The following SLC16A9 variants were observed in gnomAD, a reference collection of about 807,000 sequenced individuals.
SLC16A9 encodes the protein monocarboxylate transporter 9.
SLC16A9 carries 26 observed loss-of-function variants against 44.3 expected under a neutral mutation model. That is an observed-to-expected ratio of 0.59 (90% CI 0.43 to 0.81). The LOEUF is 0.81. SLC16A9 is among the 40% of genes least tolerant of loss of function. The pLI is 0.00. For missense variants in SLC16A9, 559 were observed against 595.8 expected (o/e 0.94, Z 0.64); for synonymous variants, 230 against 225.1 (o/e 1.02, Z -0.19).
Position 59,661,468 on chromosome 10 carries a change from C to A in SLC16A9, c.436+2759G>T, listed in dbSNP as rs1390498847. Among the ~76,000 whole-genome samples, 4 of 152,092 alleles carry A rather than the reference C, an allele frequency of 2.6e-5. No homozygotes were observed. The East Asian group carries it at 5.8e-4, about 22-fold the overall frequency. On this transcript the variant is annotated intron_variant, in intron 4 of 5. Coordinates refer to ENST00000395348, the MANE Select transcript of SLC16A9 (RefSeq NM_194298.3). Reference sequence around the variant, plus strand: ...ATGTGAAGGACCTCTTCAAGGAGAACTACAAACCACTGCTCAAGGAAATAA... The same window carrying A: ...ATGTGAAGGACCTCTTCAAGGAGAAATACAAACCACTGCTCAAGGAAATAA...
At chr10:59,690,979 G>A (rs1261989354) in intron 1 of SLC16A9, among the ~76,000 whole-genome samples, 5 of 152,162 alleles carry the variant, frequency 3.3e-5, no homozygotes. Flanking sequence ...CAGCTACTCA[G>A]GAGGCTGAGG....
At position 59,654,496 on chromosome 10, in the gene SLC16A9, A is replaced by G. The variant is rs1235686867; in HGVS notation, c.530T>C (p.Leu177Ser). 1 of 1,611,846 alleles carries G rather than the reference A, an allele frequency of 6.2e-7. No individual in the cohort carries two copies. Among genetic ancestry groups the G allele is most frequent in the South Asian group, 1.1e-5 (1 of 91,084 alleles). ...LDGCLLIVGA[L>S]ALNILACGSL... ...GCCACAGGCTAATATATTTAAAGCT[A>G]AAGCACCCACAATCAGCAAGCATCC... Residue 177 changes from leucine to serine, a missense_variant, in exon 5 of 6, where the codon TTA becomes TCA. Coordinates refer to ENST00000395348, the MANE Select transcript of SLC16A9 (RefSeq NM_194298.3).
At chr10:59,653,580 C>T in intron 5 of SLC16A9, 95 bp downstream of exon 5, 1 of 1,047,164 alleles carries the variant, frequency 9.5e-7, no homozygotes, top group Non-Finnish European at 1.4e-6. Flanking sequence ...TTCTTTTGTA[C>T]AAATCTGTGC....
At chr10:59,681,801 T>TATG (rs3043425) in intron 2 of SLC16A9, among the ~76,000 whole-genome samples, 2 of 37,630 alleles carry the variant, frequency 5.3e-5, no homozygotes, top group African/African-American at 1.7e-4. Flanking sequence ...TGTATATGTA[T>TATG]ATGTATATGT....
intron 1 of SLC16A9, among the ~76,000 whole-genome samples, chr10:59,698,598 T>A (rs1200360268): frequency 6.6e-6 from 1 of 152,202 alleles, no homozygotes; most frequent in Middle Eastern, 3.2e-3. Flanking sequence ...GCCACCCTTC[T>A]GCTGTGCAGC....
chr10:59,655,694 G>T (rs1839334945), intron 4 of SLC16A9, among the ~76,000 whole-genome samples: 2 of 152,102 alleles, frequency 1.3e-5, no homozygotes, highest in Admixed American at 1.3e-4. Context: ...TTCTCATCTG[G>T]TTCTGATTTC....
At chr10:59,694,528 G>A (rs1237973349) in intron 1 of SLC16A9, among the ~76,000 whole-genome samples, 2 of 151,742 alleles carry the variant, frequency 1.3e-5, no homozygotes, top group East Asian at 1.9e-4. Context: ...TCAGCCAGGT[G>A]CAGTGGCTCA....
chr10:59,665,384 A>G (rs953080250), intron 3 of SLC16A9, among the ~76,000 whole-genome samples: 5 of 152,238 alleles, frequency 3.3e-5, no homozygotes, highest in African/African-American at 1.2e-4. Context: ...TTAAAAGAAT[A>G]CATGAGTTTA....
intron 1 of SLC16A9, among the ~76,000 whole-genome samples, chr10:59,704,157 G>C (rs954269549): frequency 2.6e-5 from 4 of 152,112 alleles, no homozygotes; most frequent in Non-Finnish European, 1.5e-5. Context: ...AGTAAGTCTG[G>C]CTCTCATTGG....
intron 2 of SLC16A9, among the ~76,000 whole-genome samples, chr10:59,675,901 C>G (rs1443957528): frequency 6.6e-6 from 1 of 152,220 alleles, no homozygotes; most frequent in East Asian, 1.9e-4. Flanking sequence ...TGGCCCTCTT[C>G]CAAGTGTAAA....
Position 59,684,187 on chromosome 10 carries a change from G to T in SLC16A9, c.105C>A (p.Val35=), listed in dbSNP as rs777953811. The part of the protein sequence containing the change: ...LCYGSPLAVG[V]LYIEWLDAFG... ...AGGCATCCAGCCATTCTATGTACAG[G>T]ACTCCAACAGCTAGTGGGGATCCGT... Residue 35 remains valine, a synonymous_variant, in exon 2 of 6, where the codon GTC becomes GTA. Transcript: ENST00000395348. 6.2e-7 allele frequency: 1 copy of T among 1,613,856 alleles called. No individual in the cohort carries two copies. Among genetic ancestry groups the T allele is most frequent in the Non-Finnish European group, 8.5e-7 (1 of 1,179,956 alleles).
intron 4 of SLC16A9, among the ~76,000 whole-genome samples, chr10:59,663,076 T>C (rs1480085292): frequency 6.6e-6 from 1 of 151,996 alleles, no homozygotes; most frequent in East Asian, 1.9e-4. Flanking sequence ...GTGGCATGTA[T>C]AGGCCAGGCA....
chr10:59,699,014 G>C (rs1265305034), intron 1 of SLC16A9, among the ~76,000 whole-genome samples: 2 of 152,126 alleles, frequency 1.3e-5, no homozygotes, highest in African/African-American at 2.4e-5. Flanking sequence ...GAAGTGCTGG[G>C]ATTACAACAC....
At chr10:59,653,047 A>G in intron 5 of SLC16A9, 97 bp from the exon 6 acceptor site, 1 of 847,722 alleles carries the variant, frequency 1.2e-6, no homozygotes, top group Non-Finnish European at 1.7e-6. Flanking sequence ...AGTTATAATT[A>G]GTATATATAT....
chr10:59,663,040 T>A (rs1224387898), intron 4 of SLC16A9, among the ~76,000 whole-genome samples: 2 of 152,102 alleles, frequency 1.3e-5, no homozygotes, highest in African/African-American at 4.8e-5. Flanking sequence ...CAAACGTCCA[T>A]CAATGTTAGA....
At chr10:59,691,502 A>C (rs1170107141) in intron 1 of SLC16A9, among the ~76,000 whole-genome samples, 2 of 152,214 alleles carry the variant, frequency 1.3e-5, no homozygotes, top group East Asian at 1.9e-4. Flanking sequence ...TACATGTATT[A>C]TGAGCCTCCC....
chr10:59,680,294 T>G (rs936267571), intron 2 of SLC16A9, among the ~76,000 whole-genome samples: 3 of 152,218 alleles, frequency 2.0e-5, no homozygotes, highest in Admixed American at 6.5e-5. Flanking sequence ...CAGAATTTCA[T>G]GTCTTTTCAC....
At chr10:59,685,286 C>T (rs1354066397) in intron 1 of SLC16A9, among the ~76,000 whole-genome samples, 1 of 152,030 alleles carries the variant, frequency 6.6e-6, no homozygotes, top group Admixed American at 6.6e-5. Flanking sequence ...TTTATTTACT[C>T]ACTGAATAGG....
chr10:59,653,164 A>G (rs914324338), intron 5 of SLC16A9, among the ~76,000 whole-genome samples: 3 of 152,058 alleles, frequency 2.0e-5, no homozygotes, highest in South Asian at 2.1e-4. Context: ...TCACGCCTGT[A>G]AACCCAGCAC....
Sources: allele counts gnomAD v4.1 joint callset (sites outside exome capture counted in the v4.1 genomes callset), GRCh38; gene constraint gnomAD v4.1.1; transcripts MANE v1.5; gene names NCBI Gene and HGNC (gene_info 2026-07-23, HGNC 2026-07-21).